PDE10A: variants seen among roughly 807,000 people sequenced by gnomAD.
The protein encoded by PDE10A is cAMP and cAMP-inhibited cGMP 3',5'-cyclic phosphodiesterase 10A.
PDE10A carries 39 observed loss-of-function variants against 97.7 expected under a neutral mutation model. That is an observed-to-expected ratio of 0.40 (90% CI 0.31 to 0.52). The LOEUF is 0.52. Among genes scored for constraint, PDE10A ranks in the 20% least tolerant of loss-of-function variants. PDE10A has a pLI of 0.56. For missense variants in PDE10A, 731 were observed against 1,047.8 expected (o/e 0.70, Z 4.17); for synonymous variants, 371 against 376.8 (o/e 0.98, Z 0.18).
intron 1 of PDE10A, among the ~76,000 whole-genome samples, chr6:165,690,523 C>T (rs902956821): frequency 2.0e-5 from 3 of 152,174 alleles, no homozygotes; most frequent in Non-Finnish European, 4.4e-5. Context: ...TCATGCCCCT[C>T]CCTTGCTCAA....
At chr6:165,352,917 G>A (rs769750157) in intron 18 of PDE10A, among the ~76,000 whole-genome samples, 5 of 152,116 alleles carry the variant, frequency 3.3e-5, no homozygotes, top group East Asian at 1.9e-4. Context: ...GCCACAGACC[G>A]AGAGAAAACA....
chr6:165,400,662 A>G (rs1185662135), intron 13 of PDE10A, among the ~76,000 whole-genome samples: 1 of 152,150 alleles, frequency 6.6e-6, no homozygotes, highest in Non-Finnish European at 1.5e-5. Flanking sequence ...AGTCTCTTAA[A>G]CAGTTACAGA....
At chr6:165,435,013 C>G (rs911037670) in intron 6 of PDE10A, among the ~76,000 whole-genome samples, 4 of 152,146 alleles carry the variant, frequency 2.6e-5, no homozygotes, top group Non-Finnish European at 5.9e-5. Flanking sequence ...TTTAACTGTA[C>G]TGGCATGTGT....
rs936651950 is a variant in PDE10A, at chr6:165,876,247, A to T, written c.-615+111282T>A. ...CAATGAGTTCAGAAAATATTACATT[A>T]AAAAAAGCAAAACCAGCCTGTGGTA... On this transcript the variant is annotated intron_variant, in intron 1 of 19. Coordinates refer to the PDE10A transcript ENST00000366882. Among the ~76,000 whole-genome samples the T allele has an allele frequency of 2.6e-5, 4 of 152,338 alleles. No homozygotes were observed. The East Asian group carries it at 7.7e-4, about 29-fold the overall frequency.
intron 2 of PDE10A, among the ~76,000 whole-genome samples, chr6:165,518,108 A>C (rs546272018): frequency 6.6e-6 from 1 of 152,354 alleles, no homozygotes; most frequent in East Asian, 1.9e-4. Flanking sequence ...ATTTTGCTAA[A>C]CACTCTGATG....
At chr6:165,900,250 T>A (rs1782066721) in intron 1 of PDE10A, among the ~76,000 whole-genome samples, 1 of 152,158 alleles carries the variant, frequency 6.6e-6, no homozygotes, top group Admixed American at 6.5e-5. Flanking sequence ...GGCAGGCAGA[T>A]CACTTGAGGT....
intron 2 of PDE10A, among the ~76,000 whole-genome samples, chr6:165,520,337 A>G (rs1782057283): frequency 6.6e-6 from 1 of 152,198 alleles, no homozygotes; most frequent in African/African-American, 2.4e-5. Flanking sequence ...CTCTACTTTT[A>G]AAAATAATCT....
intron 1 of PDE10A, chr6:165,718,418 C>T (rs1297013588): frequency 5.8e-4 from 88 of 152,164 alleles, no homozygotes; most frequent in African/African-American, 1.8e-3. Flanking sequence ...TCCCAAATCC[C>T]CAGAAGAAAC....
intron 1 of PDE10A, among the ~76,000 whole-genome samples, chr6:165,821,352 A>G (rs1437341353): frequency 6.6e-6 from 1 of 152,220 alleles, no homozygotes; most frequent in Non-Finnish European, 1.5e-5. Flanking sequence ...ACTGAAAATC[A>G]TGATCGTGAC....
intron 1 of PDE10A, among the ~76,000 whole-genome samples, chr6:165,806,433 G>C (rs1779141781): frequency 6.6e-6 from 1 of 152,272 alleles, no homozygotes; most frequent in East Asian, 1.9e-4. Flanking sequence ...TCCTAGCCTT[G>C]GTGGCCCCTG....
intron 1 of PDE10A, among the ~76,000 whole-genome samples, chr6:165,845,963 C>T (rs1314598784): frequency 6.6e-6 from 1 of 151,746 alleles, no homozygotes; most frequent in East Asian, 1.9e-4. Flanking sequence ...TATAATGCAG[C>T]GATTTTAAGA....
intron 1 of PDE10A, among the ~76,000 whole-genome samples, chr6:165,633,085 AAAAAAAGAAAAG>A (rs1045247970): frequency 6.6e-6 from 1 of 152,098 alleles, no homozygotes; most frequent in African/African-American, 2.4e-5. Context: ...GTGTCAAAAA[AAAAAAAGAAAAG>A]AAAAAAGAAA....
At chr6:165,986,472 G>A (rs1185064285) in intron 1 of PDE10A, 3 of 152,418 alleles carry the variant, frequency 2.0e-5, no homozygotes, top group Admixed American at 1.3e-4. Flanking sequence ...GTAGCCCTAC[G>A]TCTAGGAGAC....
intron 1 of PDE10A, among the ~76,000 whole-genome samples, chr6:165,875,227 C>T (rs911595471): frequency 2.0e-5 from 3 of 152,130 alleles, no homozygotes; most frequent in Non-Finnish European, 2.9e-5. Flanking sequence ...AGGAGGATAA[C>T]ATCAGGAGAG....
At chr6:165,427,695 A>G (rs2128236051) in intron 10 of PDE10A, among the ~76,000 whole-genome samples, 1 of 152,276 alleles carries the variant, frequency 6.6e-6, no homozygotes, top group East Asian at 1.9e-4. Flanking sequence ...TTAATAATAC[A>G]AAGAACGAGC....
At chr6:165,441,428 T>G (rs554508351) in intron 5 of PDE10A, among the ~76,000 whole-genome samples, 1 of 152,346 alleles carries the variant, frequency 6.6e-6, no homozygotes, top group South Asian at 2.1e-4. Context: ...TTTAAACGGT[T>G]TGTTAAACAA....
intron 13 of PDE10A, among the ~76,000 whole-genome samples, chr6:165,404,360 A>G (rs1583207647): frequency 6.6e-6 from 1 of 151,992 alleles, no homozygotes; most frequent in South Asian, 2.1e-4. Flanking sequence ...TGAGGAGAGG[A>G]GCTGAACTGA....
intron 20 of PDE10A, among the ~76,000 whole-genome samples, chr6:165,338,830 C>T (rs80182122): frequency 0.071 from 10,827 of 152,212 alleles, 553 homozygotes; most frequent in Middle Eastern, 0.11. Context: ...ATTTCCTAAC[C>T]TTGGTCTTAC....
intron 1 of PDE10A, among the ~76,000 whole-genome samples, chr6:165,826,878 T>TGA (rs1291384137): frequency 7.0e-6 from 1 of 142,208 alleles, no homozygotes; most frequent in Non-Finnish European, 1.5e-5. Flanking sequence ...AGGGGCACAG[T>TGA]GAGAGAGAGG....
Sources: gnomAD v4.1 joint callset for allele counts (sites outside exome capture counted in the v4.1 genomes callset) on GRCh38, gnomAD v4.1.1 for gene constraint, MANE v1.5 for transcripts, NCBI Gene and HGNC (gene_info 2026-07-23, HGNC 2026-07-21) for gene names.